Variants in MRAS observed in about 807,000 individuals in gnomAD.
MRAS encodes muscle RAS oncogene homolog, also known as ras-related protein M-Ras.
Under a neutral mutation model 20.9 loss-of-function variants are expected in MRAS, and 4 were observed. The observed-to-expected ratio is 0.19, with a 90% confidence interval of 0.09 to 0.44. MRAS has a LOEUF of 0.44. MRAS is among the 20% of genes least tolerant of loss of function. MRAS has a pLI of 0.99. For missense variants in MRAS, 154 were observed against 277.5 expected, an observed-to-expected ratio of 0.56 and a Z score of 3.16; for synonymous variants, 98 against 102.9, an observed-to-expected ratio of 0.95 and a Z score of 0.29.
chr3:138,354,766 A>G (rs2054296180), intron 1 of MRAS, among the ~76,000 whole-genome samples: 1 of 152,174 alleles, frequency 6.6e-6, no homozygotes, highest in Admixed American at 6.5e-5. Flanking sequence ...TAATTATATG[A>G]CAATGATAAC....
chr3:138,374,128 T>G (rs2054733347), intron 2 of MRAS, among the ~76,000 whole-genome samples: 1 of 151,684 alleles, frequency 6.6e-6, no homozygotes, highest in Non-Finnish European at 1.5e-5. Flanking sequence ...CTAGCTAAAT[T>G]TTTTTTGTAT....
intron 1 of MRAS, among the ~76,000 whole-genome samples, chr3:138,367,535 T>A (rs1165909416): frequency 8.5e-5 from 13 of 152,200 alleles, no homozygotes; most frequent in Admixed American, 8.5e-4. Flanking sequence ...AAGGTTATAC[T>A]GGGGTGATCA....
At chr3:138,366,137 C>T (rs1286245793) in intron 1 of MRAS, among the ~76,000 whole-genome samples, 1 of 152,196 alleles carries the variant, frequency 6.6e-6, no homozygotes, top group East Asian at 1.9e-4. Context: ...ACACAGCTTG[C>T]AGGTCAGCGC....
chr3:138,355,690 G>A (rs572102841), intron 1 of MRAS, among the ~76,000 whole-genome samples: 39 of 152,306 alleles, frequency 2.6e-4, no homozygotes, highest in African/African-American at 7.2e-4. Flanking sequence ...CAACACTTTG[G>A]GAGATTGAGG....
At chr3:138,382,731 G>T (rs1025731465) in intron 2 of MRAS, among the ~76,000 whole-genome samples, 2 of 152,186 alleles carry the variant, frequency 1.3e-5, no homozygotes, top group East Asian at 3.9e-4. Flanking sequence ...GCCTGGGCTC[G>T]TTCCAGATTT....
intron 2 of MRAS, among the ~76,000 whole-genome samples, chr3:138,385,495 AAT>A (rs1001180520): frequency 6.7e-6 from 1 of 149,032 alleles, no homozygotes; most frequent in African/African-American, 2.5e-5. Flanking sequence ...TGAGTTTTAA[AAT>A]ATATATATTT....
chr3:138,348,441 T>G (rs894064593), upstream of MRAS: 1 of 152,062 alleles, frequency 6.6e-6, no homozygotes, highest in Non-Finnish European at 1.5e-5. Context: ...TAGGCGCGCG[T>G]CCTGGGGGCC....
intron 2 of MRAS, among the ~76,000 whole-genome samples, chr3:138,377,696 C>A (rs1256988245): frequency 2.0e-5 from 3 of 152,192 alleles, no homozygotes; most frequent in Non-Finnish European, 2.9e-5. Context: ...CTGGAGGTGC[C>A]CTCAGTTGCC....
At chr3:138,401,848 A>G (rs192753533) in intron 5 of MRAS, among the ~76,000 whole-genome samples, 1 of 152,384 alleles carries the variant, frequency 6.6e-6, no homozygotes, top group East Asian at 1.9e-4. Context: ...CCAGCACTCT[A>G]TAAGACAAAA....
intron 2 of MRAS, among the ~76,000 whole-genome samples, chr3:138,395,844 T>A (rs375694770): frequency 8.5e-5 from 13 of 152,250 alleles, no homozygotes; most frequent in African/African-American, 3.1e-4. Flanking sequence ...ATTCCTTAAA[T>A]GAATGACAAG....
At chr3:138,365,225 C>G (rs1246104478) in intron 1 of MRAS, among the ~76,000 whole-genome samples, 2 of 152,186 alleles carry the variant, frequency 1.3e-5, no homozygotes, top group Non-Finnish European at 2.9e-5. Flanking sequence ...CATTGTTTAC[C>G]TTAAATGTTC....
intron 2 of MRAS, among the ~76,000 whole-genome samples, chr3:138,375,042 C>T (rs12107581): frequency 0.59 from 89,812 of 151,826 alleles, 27,628 homozygotes; most frequent in East Asian, 0.73. Context: ...CCACTGTGCC[C>T]GGCTAATATT....
chr3:138,358,019 T>C (rs535314875), intron 1 of MRAS, among the ~76,000 whole-genome samples: 2 of 152,356 alleles, frequency 1.3e-5, no homozygotes, highest in African/African-American at 4.8e-5. Flanking sequence ...TGTCTTAGAC[T>C]AGGCTGTGGG....
At chr3:138,398,767 AG>A (rs1213761814) in intron 4 of MRAS, among the ~76,000 whole-genome samples, 199 bp downstream of exon 4, 1 of 152,210 alleles carries the variant, frequency 6.6e-6, no homozygotes, top group African/African-American at 2.4e-5. Context: ...TGGTAGAGAC[AG>A]GTCCCCTAGA....
rs982127753 is a variant in MRAS, at chr3:138,405,474, T to C, written c.*3205T>C. On this transcript the variant is annotated 3_prime_UTR_variant, in exon 6 of 6. Coordinates refer to ENST00000423968, the MANE Select transcript of MRAS (RefSeq NM_001085049.3). ...AGATCTCAGTGATGTTTGAACCTTC[T>C]GTGTAACTTTTTATTAAGTCTTTGT... 1.3e-5 allele frequency: 2 copies of C among 152,706 alleles called. No homozygotes were observed. Among genetic ancestry groups the C allele is most frequent in the African/African-American group, 4.8e-5 (2 of 41,484 alleles). The allele number at this position is 152,706 out of a possible 1,614,324, so 9.5% of individuals were successfully genotyped here. A position where few individuals can be genotyped will look rare whatever the true frequency, so the allele number is the denominator to read the frequency against.
intron 1 of MRAS, among the ~76,000 whole-genome samples, chr3:138,369,529 G>A (rs1044590874): frequency 6.6e-6 from 1 of 152,122 alleles, no homozygotes; most frequent in East Asian, 1.9e-4. Flanking sequence ...GGCAGCCAGC[G>A]ACAGGCATTG....
At position 138,398,364 on chromosome 3, in the gene MRAS, G is replaced by T. The variant is rs139512269; in HGVS notation, c.348-105G>T. 9.9e-5 allele frequency: 87 copies of T among 878,162 alleles called. No individual in the cohort carries two copies. The African/African-American group carries it at 1.4e-3, about 14-fold the overall frequency. The allele number at this position is 878,162 out of a possible 1,614,324, so 54.4% of individuals were successfully genotyped here. ...ACTGCAGTCCAGGCTGACTGGGGAG[G>T]TGCTGTGGGCTGGCTGTGCTATGCC... On this transcript the variant is annotated intron_variant, in intron 3 of 5. Coordinates refer to ENST00000423968, the MANE Select transcript of MRAS (RefSeq NM_001085049.3).
chr3:138,368,430 C>A (rs2108513564), intron 1 of MRAS, among the ~76,000 whole-genome samples: 1 of 152,308 alleles, frequency 6.6e-6, no homozygotes, highest in East Asian at 1.9e-4. Flanking sequence ...AGCAATCCTA[C>A]AAAGTATGAG....
chr3:138,377,528 C>G (rs1348035185), intron 2 of MRAS, among the ~76,000 whole-genome samples: 1 of 152,204 alleles, frequency 6.6e-6, no homozygotes, highest in African/African-American at 2.4e-5. Context: ...TGCCTGAACC[C>G]AGGAGGCGGA....
Sources: gnomAD v4.1 joint callset for allele counts (sites outside exome capture counted in the v4.1 genomes callset) on GRCh38, gnomAD v4.1.1 for gene constraint, MANE v1.5 for transcripts, NCBI Gene and HGNC (gene_info 2026-07-23, HGNC 2026-07-21) for gene names.